The following EHD4 variants were observed in gnomAD, a reference collection of about 807,000 sequenced individuals.
EHD4 encodes EH domain-containing protein 4.
A neutral mutation model predicts 51.0 loss-of-function variants in EHD4; 37 were observed. That is an observed-to-expected ratio of 0.73 (90% CI 0.56 to 0.95). The LOEUF (loss-of-function observed/expected upper bound fraction) is 0.95. Among genes scored for constraint, EHD4 ranks in the 40% least tolerant of loss-of-function variants. The pLI is 0.00. For synonymous variants in EHD4, 297 were observed against 317.3 expected, an observed-to-expected ratio of 0.94 and a Z score of 0.68; for missense variants, 632 against 733.1, an observed-to-expected ratio of 0.86 and a Z score of 1.59.
intron 4 of EHD4, among the ~76,000 whole-genome samples, chr15:41,915,153 A>T (rs2140986830): frequency 6.6e-6 from 1 of 152,274 alleles, no homozygotes; most frequent in Non-Finnish European, 1.5e-5. Context: ...TGTAAGTGTG[A>T]ACTACATATA....
chr15:41,962,991 AC>A (rs2067935862), intron 1 of EHD4, among the ~76,000 whole-genome samples: 1 of 152,146 alleles, frequency 6.6e-6, no homozygotes, highest in Admixed American at 6.5e-5. Context: ...CTATGACTTT[AC>A]CCCCAACCCC....
chr15:41,954,639 A>AT (rs1239115201), intron 1 of EHD4, among the ~76,000 whole-genome samples: 50 of 152,246 alleles, frequency 3.3e-4, no homozygotes, highest in African/African-American at 1.1e-3. Context: ...ACTGAAAAAA[A>AT]ATTTTTTTTT....
Position 41,909,747 on chromosome 15 carries a change from T to C in EHD4, c.1041A>G (p.Arg347=), listed in dbSNP as rs1249618468. 1 of 1,614,100 alleles carries C rather than the reference T, an allele frequency of 6.2e-7. No individual in the cohort carries two copies. Among genetic ancestry groups the C allele is most frequent in the African/African-American group, 1.3e-5 (1 of 74,926 alleles). Residue 347 remains arginine (R), a synonymous_variant, in exon 5 of 6, where the codon CGA becomes CGG. Coordinates refer to ENST00000220325, the MANE Select transcript of EHD4 (RefSeq NM_139265.4). ...AGTCCCCTGCAGAAATCTGGTATTC[T>C]CGCTGTAGCTGAATGTAGATTTCCG... ...RLPEIYIQLQ[R]EYQISAGDFP...
chr15:41,943,411 CA>C (rs1342224131), intron 2 of EHD4, among the ~76,000 whole-genome samples: 1 of 152,200 alleles, frequency 6.6e-6, no homozygotes, highest in Non-Finnish European at 1.5e-5. Flanking sequence ...GGTGCACAAG[CA>C]CCTGCTGCCA....
intron 3 of EHD4, among the ~76,000 whole-genome samples, chr15:41,939,180 C>A (rs773757088): frequency 6.6e-6 from 1 of 152,202 alleles, no homozygotes; most frequent in Non-Finnish European, 1.5e-5. Context: ...ATTTAGAAAA[C>A]CGCAGGAATC....
In EHD4 at chr15:41,966,069, C is replaced by T. The variant is rs562093365; in HGVS notation, c.236+6190G>A. Among the ~76,000 whole-genome samples, 215 of 152,100 alleles carry T rather than the reference C, an allele frequency of 1.4e-3. 2 individuals are homozygous for T. The highest frequency in any genetic ancestry group is 4.9e-3 in the African/African-American group (205 of 41,460). On this transcript the variant is annotated intron_variant, in intron 1 of 5. Transcript: ENST00000220325. ...TGTCTTCTGAGATGCCAGCTGCTCC[C>T]TCTCCATGGCTTCCCTTCTGTCCAC... is the stretch of plus-strand genomic sequence containing the variant.
chr15:41,918,192 A>G (rs541986158), intron 4 of EHD4, among the ~76,000 whole-genome samples: 13 of 151,208 alleles, frequency 8.6e-5, no homozygotes, highest in Non-Finnish European at 1.8e-4. Flanking sequence ...CATGACTGGC[A>G]CATAGCCAAT....
At chr15:41,916,817 C>CA (rs907499044) in intron 4 of EHD4, among the ~76,000 whole-genome samples, 6 of 152,224 alleles carry the variant, frequency 3.9e-5, no homozygotes, top group African/African-American at 1.4e-4. Context: ...ACCCATACTT[C>CA]AAACATTTTC....
chr15:41,915,101 C>T (rs1297132984), intron 4 of EHD4, among the ~76,000 whole-genome samples: 1 of 152,124 alleles, frequency 6.6e-6, no homozygotes, highest in Non-Finnish European at 1.5e-5. Flanking sequence ...CACACACACA[C>T]ACACACACAC....
chr15:41,927,423 C>T (rs1050667771), intron 3 of EHD4, among the ~76,000 whole-genome samples: 1 of 152,072 alleles, frequency 6.6e-6, no homozygotes, highest in African/African-American at 2.4e-5. Context: ...ATGGCAACAG[C>T]CAAGATGTAG....
chr15:41,958,546 A>G (rs2067902713), intron 1 of EHD4, among the ~76,000 whole-genome samples: 1 of 151,890 alleles, frequency 6.6e-6, no homozygotes, highest in South Asian at 2.1e-4. Flanking sequence ...TTCACTTCAT[A>G]GAAGTGAATG....
chr15:41,958,509 T>C (rs1427117534), intron 1 of EHD4, among the ~76,000 whole-genome samples: 1 of 152,168 alleles, frequency 6.6e-6, no homozygotes, highest in African/African-American at 2.4e-5. Flanking sequence ...TCTTCTTTTT[T>C]TCATTGCTTA....
intron 3 of EHD4, among the ~76,000 whole-genome samples, chr15:41,925,184 A>T (rs955519496): frequency 6.6e-6 from 1 of 152,228 alleles, no homozygotes. Context: ...TTAAAGATAC[A>T]CATCTCCACA....
chr15:41,922,014 A>G (rs978042609), intron 3 of EHD4, among the ~76,000 whole-genome samples: 3 of 152,190 alleles, frequency 2.0e-5, no homozygotes, highest in Non-Finnish European at 4.4e-5. Flanking sequence ...CAACTTTCCC[A>G]TTAATCCTGT....
At chr15:41,937,805 G>C (rs2067742366) in intron 3 of EHD4, among the ~76,000 whole-genome samples, 1 of 152,106 alleles carries the variant, frequency 6.6e-6, no homozygotes, top group South Asian at 2.1e-4. Context: ...ACCCCTCTTA[G>C]TCACAGCTTG....
chr15:41,970,648 G>A (rs538988873), intron 1 of EHD4, among the ~76,000 whole-genome samples: 1 of 152,352 alleles, frequency 6.6e-6, no homozygotes, highest in East Asian at 1.9e-4. Flanking sequence ...ATTATCTCCA[G>A]GTTGGCACAG....
rs763781516 is a variant in EHD4, at chr15:41,900,757, G to A, written c.1514C>T (p.Ala505Val). 8.7e-6 allele frequency: 14 copies of A among 1,613,742 alleles called. 1 individual carries two copies. The highest frequency in any genetic ancestry group is 7.7e-5 in the South Asian group (7 of 91,086). ...CDGMLDEEEF[A>V]LAKHLIKIKL... ...GATCTTGATGAGGTGCTTGGCCAGC[G>A]CGAACTCCTCCTCATCAAGCATGCC... is the stretch of plus-strand genomic sequence containing the variant. The change falls in exon 6 of 6, where the codon GCG becomes GTG. Residue 505 changes from alanine (A) to valine (V), a missense_variant. Physicochemically the swap from Ala to Val is moderately conservative, Grantham distance 64. Coordinates refer to ENST00000220325, the MANE Select transcript of EHD4 (RefSeq NM_139265.4). The surrounding 1 kb of genome is among the most constrained non-coding windows in gnomAD (Gnocchi z 4.8).
At chr15:41,902,838 T>TATATATGTATGTATATATATACATAC (rs2067486918) in intron 5 of EHD4, among the ~76,000 whole-genome samples, 3 of 107,570 alleles carry the variant, frequency 2.8e-5, no homozygotes, top group Non-Finnish European at 6.2e-5. Flanking sequence ...TATATACATA[T>TATATATGTATGTATATATATACATAC]GTATATATAT....
chr15:41,900,765 C>T lies in EHD4; in HGVS notation c.1506G>A (p.Glu502=), dbSNP rs1300206535. The change falls in exon 6 of 6, where the codon GAG becomes GAA. Residue 502 remains glutamate, a synonymous_variant. Coordinates refer to ENST00000220325, the MANE Select transcript of EHD4 (RefSeq NM_139265.4). The surrounding 1 kb of genome is among the most constrained non-coding windows in gnomAD (Gnocchi z 4.8). ...TGAGGTGCTTGGCCAGCGCGAACTC[C>T]TCCTCATCAAGCATGCCGTCGCAGT... The part of the protein sequence containing the change: ...DCDCDGMLDE[E]EFALAKHLIK... The T allele has an allele frequency of 3.7e-6, 6 of 1,613,968 alleles. No homozygotes were observed. In the African/African-American group the frequency reaches 8.0e-5, roughly 22 times the overall value.
Sources: allele counts gnomAD v4.1 joint callset (sites outside exome capture counted in the v4.1 genomes callset), GRCh38; gene constraint gnomAD v4.1.1; non-coding constraint Gnocchi (gnomAD v3.1); transcripts MANE v1.5; gene names NCBI Gene and HGNC (gene_info 2026-07-23, HGNC 2026-07-21).